The following TMEM184A variants were observed in gnomAD, a reference collection of about 807,000 sequenced individuals.
TMEM184A encodes sexually dimorphic, expressed in male gonads 1.
TMEM184A carries 40 observed loss-of-function variants against 39.5 expected under a neutral mutation model. That is an observed-to-expected ratio of 1.01 (90% CI 0.79 to 1.32). TMEM184A has a LOEUF of 1.32. Ranked by LOEUF, TMEM184A falls within the 40% of genes most tolerant of loss-of-function variation. TMEM184A has a pLI of 0.00. For synonymous variants in TMEM184A, 280 were observed against 252.3 expected (o/e 1.11, Z -1.04); for missense variants, 603 against 568.8 (o/e 1.06, Z -0.61).
chr7:1,547,510 G>A (rs1784396370), intron 8 of TMEM184A, among the ~76,000 whole-genome samples: 1 of 152,132 alleles, frequency 6.6e-6, no homozygotes, highest in Non-Finnish European at 1.5e-5. Context: ...GGCTGTCTCC[G>A]CCCTAATAGG....
rs1784533423 is a variant in TMEM184A, at chr7:1,550,205, G to C, written c.477-7C>G. 1 of 1,606,872 alleles carries C rather than the reference G, an allele frequency of 6.2e-7. No individual in the cohort carries two copies. The highest frequency in any genetic ancestry group is 8.5e-7 in the Non-Finnish European group (1 of 1,177,352). On this transcript the variant is annotated splice_polypyrimidine_tract_variant and splice_region_variant and intron_variant, in intron 4 of 8. Coordinates refer to ENST00000297477, the MANE Select transcript of TMEM184A (RefSeq NM_001097620.2). ...GCCGTACAAGCAGCTGGACCTGCGG[G>C]GGACGTCCCTGAGCCGGTGCGGGAG...
At chr7:1,548,477 C>A in intron 7 of TMEM184A, 42 bp downstream of exon 7, 1 of 1,580,780 alleles carries the variant, frequency 6.3e-7, no homozygotes. Flanking sequence ...TGGACTGCAG[C>A]CCCCACCTCG....
intron 2 of TMEM184A, among the ~76,000 whole-genome samples, chr7:1,551,961 GA>G (rs1336328784): frequency 6.7e-6 from 1 of 148,996 alleles, no homozygotes; most frequent in South Asian, 2.3e-4. Flanking sequence ...ATTTTTTTGA[GA>G]AACATGGTCT....
At chr7:1,551,113 GCACAA>G (rs1784574965) in intron 2 of TMEM184A, 131 bp from the exon 3 acceptor site, 1 of 1,120,656 alleles carries the variant, frequency 8.9e-7, no homozygotes, top group Non-Finnish European at 1.2e-6. Flanking sequence ...CGGTACCCCT[GCACAA>G]GCCCAGGTGA....
At chr7:1,549,278 G>C in intron 6 of TMEM184A, 1 of 326,218 alleles carries the variant, frequency 3.1e-6, no homozygotes, top group South Asian at 1.8e-5. Flanking sequence ...ATGTGTCCCC[G>C]TGTGTGAGCA....
At chr7:1,550,069 GCC>G in intron 5 of TMEM184A, 52 bp downstream of exon 5, 2 of 1,254,012 alleles carry the variant, frequency 1.6e-6, no homozygotes, top group Non-Finnish European at 2.1e-6. Context: ...GCCGGCTAGG[GCC>G]CCTGACGGGC....
Position 1,550,312 on chromosome 7 carries a change from G to C in TMEM184A, c.469C>G (p.Pro157Ala). The change falls in exon 4 of 9, where the codon CCC becomes GCC. Residue 157 changes from proline to alanine, a missense_variant. Transcript: ENST00000297477. ...GAIMAEIRGKPIKSSCLYGTC... is the reference protein window; with the variant it reads ...GAIMAEIRGKAIKSSCLYGTC... ...CTGGGGTGACGGGCTTACTTGATGG[G>C]CTTTCCACGAATCTCAGCCATGATG... The C allele has an allele frequency of 6.2e-7, 1 of 1,612,866 alleles. No individual in the cohort carries two copies. The highest frequency in any genetic ancestry group is 8.5e-7 in the Non-Finnish European group (1 of 1,179,712).
At chr7:1,552,420 C>T (rs903047863) in intron 2 of TMEM184A, among the ~76,000 whole-genome samples, 17 of 151,882 alleles carry the variant, frequency 1.1e-4, no homozygotes, top group African/African-American at 2.9e-4. Context: ...CATTTCTTTG[C>T]GGGGAGGACA....
Position 1,550,881 on chromosome 7 carries a change from G to A in TMEM184A, c.321C>T (p.Ser107=), listed in dbSNP as rs201377434. ...VPIYAFDSWL[S]LLLLGDHQYY... is the part of the protein sequence containing the mutation. ...ACTGGTGGTCTCCGAGGAGGAGGAGGCTGAGCCAGGAGTCGAAGGCGTAGA... is the reference window on the plus strand; with the variant it reads ...ACTGGTGGTCTCCGAGGAGGAGGAGACTGAGCCAGGAGTCGAAGGCGTAGA... Residue 107 remains serine (S), a synonymous_variant, in exon 3 of 9, where the codon AGC becomes AGT. Transcript: ENST00000297477. 923 of 1,613,696 alleles carry A rather than the reference G, an allele frequency of 5.7e-4. No individual in the cohort carries two copies. The highest frequency in any genetic ancestry group is 7.4e-4 in the Non-Finnish European group (878 of 1,179,990).
At chr7:1,554,126 G>T (rs1244583599) in intron 2 of TMEM184A, among the ~76,000 whole-genome samples, 5 of 152,124 alleles carry the variant, frequency 3.3e-5, no homozygotes, top group Non-Finnish European at 2.9e-5. Context: ...GTGGGTTCTG[G>T]TTATCTGTTC....
intron 6 of TMEM184A, 86 bp from the exon 7 acceptor site, chr7:1,548,774 C>G (rs770411124): frequency 6.7e-7 from 1 of 1,483,216 alleles, no homozygotes; most frequent in Non-Finnish European, 9.2e-7. Flanking sequence ...GCACCCTCAG[C>G]CTGGTCCCCA....
At chr7:1,553,243 C>T (rs1017040860) in intron 2 of TMEM184A, among the ~76,000 whole-genome samples, 8 of 152,028 alleles carry the variant, frequency 5.3e-5, no homozygotes, top group African/African-American at 1.9e-4. Flanking sequence ...ACCTCCGCCT[C>T]CCGGGTTCAA....
rs193201266 is a variant in TMEM184A, at chr7:1,543,260, C to T, written c.*3692G>A. On this transcript the variant is annotated 3_prime_UTR_variant, in exon 9 of 9. Coordinates refer to ENST00000297477, the MANE Select transcript of TMEM184A (RefSeq NM_001097620.2). The stretch of plus-strand genomic sequence containing the variant: ...GGTGACCACGTCCTGGGCTCAGTCT[C>T]TGAGGGTCAGGCCGCAGTCCTGAGT... 1 of 152,450 alleles carries T rather than the reference C, an allele frequency of 6.6e-6. No homozygotes were observed. Among genetic ancestry groups the T allele is most frequent in the Non-Finnish European group, 1.5e-5 (1 of 68,086 alleles). 9.4% of individuals were successfully genotyped at this position (152,450 alleles called of 1,614,324 possible). A position where few individuals can be genotyped will look rare whatever the true frequency, so the allele number is the denominator to read the frequency against.
rs1293304966 is a variant in TMEM184A at position 1,546,621 on chromosome 7, G to A, written c.*331C>T. ...CCCACTCACAGCTCCCATGGGGTCC[G>A]TGCAGCCAAGGCCCCGCAGCCACAC... is the stretch of plus-strand genomic sequence containing the variant. On this transcript the variant is annotated 3_prime_UTR_variant, in exon 9 of 9. Coordinates refer to ENST00000297477, the MANE Select transcript of TMEM184A (RefSeq NM_001097620.2). 7.2e-6 allele frequency: 2 copies of A among 278,512 alleles called. No individual in the cohort carries two copies. The highest frequency in any genetic ancestry group is 6.6e-5 in the East Asian group (1 of 15,264). 17.3% of individuals were successfully genotyped at this position (278,512 alleles called of 1,614,324 possible). A position where few individuals can be genotyped will look rare whatever the true frequency, so the allele number is the denominator to read the frequency against.
Position 1,547,020 on chromosome 7 carries a change from C to G in TMEM184A, c.1174G>C (p.Gly392Arg). ...APRPGTHPSG[G>R]SGGSRKSRSL... ...CGGCTCTTCCTGCTCCCGCCGGAGC[C>G]GCCGCTGGGGTGGGTGCCGGGCCTG... The change falls in exon 9 of 9, where the codon GGC becomes CGC. Residue 392 changes from glycine (G) to arginine (R), a missense_variant. Physicochemically the swap from Gly to Arg is moderately radical, Grantham distance 125. Coordinates refer to ENST00000297477, the MANE Select transcript of TMEM184A (RefSeq NM_001097620.2). 1.9e-6 allele frequency: 3 copies of G among 1,603,614 alleles called. No individual in the cohort carries two copies. Among genetic ancestry groups the G allele is most frequent in the Non-Finnish European group, 2.5e-6 (3 of 1,178,448 alleles).
chr7:1,549,032 T>C, intron 6 of TMEM184A: 1 of 521,324 alleles, frequency 1.9e-6, no homozygotes. Flanking sequence ...GGCCACTGCC[T>C]GAAGATCCTC....
At chr7:1,550,228 G>T (rs754256860) in intron 4 of TMEM184A, 30 bp from the exon 5 acceptor site, 5 of 1,605,556 alleles carry the variant, frequency 3.1e-6, no homozygotes, top group Non-Finnish European at 8.5e-7. Flanking sequence ...GCCGGTGCGG[G>T]AGAATGCAGC....
At chr7:1,554,804 A>T (rs1368363260) in intron 2 of TMEM184A, among the ~76,000 whole-genome samples, 10 of 151,960 alleles carry the variant, frequency 6.6e-5, no homozygotes, top group Middle Eastern at 3.2e-3. Context: ...TCCCTCTAAC[A>T]AGCTGTGACC....
In TMEM184A at chr7:1,555,324, A is replaced by G; in HGVS notation, c.161T>C (p.Leu54Pro). The G allele has an allele frequency of 6.2e-7, 1 of 1,608,188 alleles. No individual in the cohort carries two copies. Residue 54 changes from leucine (L) to proline (P), a missense_variant, in exon 2 of 9, where the codon CTG (leucine) becomes CCG (proline). Physicochemically the swap from Leu to Pro is moderately conservative, Grantham distance 98. Coordinates refer to ENST00000297477, the MANE Select transcript of TMEM184A (RefSeq NM_001097620.2). The surrounding 1 kb of genome is among the most constrained non-coding windows in gnomAD (Gnocchi z 5.2). Reference sequence around the variant, plus strand: ...GAAGATCCCCGAGACGCCTCGGGCCAGTGCGGAGGTGAGGAAGAGCCAGGG... The same window carrying G: ...GAAGATCCCCGAGACGCCTCGGGCCGGTGCGGAGGTGAGGAAGAGCCAGGG... ...GAPWLFLTSA[L>P]ARGVSGIFVW...
Sources: allele counts gnomAD v4.1 joint callset (sites outside exome capture counted in the v4.1 genomes callset), GRCh38; gene constraint gnomAD v4.1.1; non-coding constraint Gnocchi (gnomAD v3.1); transcripts MANE v1.5; gene names NCBI Gene and HGNC (gene_info 2026-07-23, HGNC 2026-07-21).